MGAM: variants seen among roughly 807,000 people sequenced by gnomAD.
MGAM encodes the protein maltase-glucoamylase.
MGAM carries 253 observed loss-of-function variants against 358.8 expected under a neutral mutation model. That is an observed-to-expected ratio of 0.71 (90% confidence interval 0.64 to 0.78). MGAM has a LOEUF of 0.78. Among genes scored for constraint, MGAM ranks in the 30% least tolerant of loss-of-function variants. The probability of loss-of-function intolerance (pLI) is 0.00; values close to 1 mark genes in which losing one functional copy is unlikely to be tolerated. For synonymous variants in MGAM, 1,105 were observed against 1,227.1 expected (o/e 0.90, Z 2.08); for missense variants, 3,080 against 3,432.6 (o/e 0.90, Z 2.57).
At chr7:142,087,417 G>T (rs1438209279) in intron 57 of MGAM, among the ~76,000 whole-genome samples, 1 of 145,990 alleles carries the variant, frequency 6.8e-6, no homozygotes, top group Non-Finnish European at 1.6e-5. Flanking sequence ...GTCTAGGAAG[G>T]CTACGGCCCC....
At chr7:142,031,646 T>C (rs1225655124) in intron 12 of MGAM, 34 bp from the exon 13 acceptor site, 2 of 1,426,492 alleles carry the variant, frequency 1.4e-6, no homozygotes, top group Non-Finnish European at 2.0e-6. Context: ...TTGTTTAATT[T>C]ACTCTTACCA....
chr7:141,988,201 T>A (rs941428775), intron 2 of MGAM, among the ~76,000 whole-genome samples: 3 of 152,122 alleles, frequency 2.0e-5, no homozygotes, highest in African/African-American at 7.2e-5. Context: ...GGTGGAAGAA[T>A]TGGTTGAACC....
intron 64 of MGAM, 129 bp downstream of exon 64, chr7:142,095,842 T>C (rs1372981268): frequency 6.5e-6 from 9 of 1,387,860 alleles, no homozygotes; most frequent in Non-Finnish European, 7.9e-6. Context: ...CAGACCATAC[T>C]TTATTACTCT....
At chr7:142,040,410 T>G in intron 20 of MGAM, 1 of 584,116 alleles carries the variant, frequency 1.7e-6, no homozygotes, top group Non-Finnish European at 3.0e-6. Flanking sequence ...TGACATAGTA[T>G]CTCATAAATT....
intron 18 of MGAM, 33 bp from the exon 19 acceptor site, chr7:142,038,498 C>G (rs1278865118): frequency 2.3e-5 from 36 of 1,540,258 alleles, no homozygotes; most frequent in Non-Finnish European, 3.2e-5. Flanking sequence ...GGCAGTGGCT[C>G]AAATCTCAGT....
At chr7:142,044,586 TATATTATATACAC>T (rs1809756688) in intron 21 of MGAM, among the ~76,000 whole-genome samples, 1 of 128,170 alleles carries the variant, frequency 7.8e-6, no homozygotes, top group Non-Finnish European at 1.6e-5. Context: ...ATATATAATG[TATATTATATACAC>T]GTGTAATATA....
chr7:142,092,167 A>G lies in MGAM; in HGVS notation c.6945+120A>G, dbSNP rs1374744696. 4 of 1,316,756 alleles carry G rather than the reference A, an allele frequency of 3.0e-6. 1 individual carries two copies. In the East Asian group the frequency reaches 7.5e-5, roughly 25 times the overall value. 81.6% of individuals were successfully genotyped at this position (1,316,756 alleles called of 1,614,324 possible). A position where few individuals can be genotyped will look rare whatever the true frequency, so the allele number is the denominator to read the frequency against. On this transcript the variant is annotated intron_variant, in intron 58 of 70. Transcript: ENST00000475668. ...ATTGTCCAAGGAAGACTTTGGACAT[A>G]TCAGACACTTCCTCCTCTCAGGAGA...
chr7:142,013,675 G>T (rs187082092), intron 3 of MGAM, among the ~76,000 whole-genome samples: 15 of 152,134 alleles, frequency 9.9e-5, no homozygotes, highest in African/African-American at 3.6e-4. Flanking sequence ...ACAAAAATAT[G>T]TGAGAAAGTA....
At chr7:142,055,861 C>A in intron 28 of MGAM, 135 bp downstream of exon 28, 1 of 1,470,754 alleles carries the variant, frequency 6.8e-7, no homozygotes, top group Non-Finnish European at 9.2e-7. Context: ...TCTCAGGCTC[C>A]TTTGTTTCAT....
chr7:142,083,275 T>G, intron 52 of MGAM, 26 bp from the exon 53 acceptor site: 2 of 1,495,658 alleles, frequency 1.3e-6, no homozygotes, highest in Non-Finnish European at 1.8e-6. Flanking sequence ...GTTTCCAGCT[T>G]GATTAGCATT....
At chr7:142,080,467 A>G (rs1272456559) in intron 49 of MGAM, among the ~76,000 whole-genome samples, 1 of 146,288 alleles carries the variant, frequency 6.8e-6, no homozygotes, top group Non-Finnish European at 1.5e-5. Flanking sequence ...GTTTTAAGGT[A>G]TTTATATATT....
At position 142,063,548 on chromosome 7, in the gene MGAM, G is replaced by T. The variant is rs761452877; in HGVS notation, c.4307G>T (p.Cys1436Phe). 6.2e-7 allele frequency: 1 copy of T among 1,613,756 alleles called. No homozygotes were observed. The highest frequency in any genetic ancestry group is 1.1e-5 in the South Asian group (1 of 90,998). The change falls in exon 36 of 71, where the codon TGC becomes TTC. Residue 1436 changes from cysteine (C) to phenylalanine (F), a missense_variant. Physicochemically the swap from Cys to Phe is radical, Grantham distance 205. This residue lies in a region of MGAM where 1,816 missense variants were observed against 1,840.5 expected (regional missense o/e 0.99). Coordinates refer to ENST00000475668, the MANE Select transcript of MGAM (RefSeq NM_001365693.1). ...SFVNGAVSPG[C>F]RDASLNHPPY... ...GTGAATGGGGCAGTTTCTCCAGGCTGCAGGGACGCCTCTCTGAACCACCCT... is the reference window on the plus strand; with the variant it reads ...GTGAATGGGGCAGTTTCTCCAGGCTTCAGGGACGCCTCTCTGAACCACCCT...
rs555737225 is a variant in MGAM, at chr7:142,082,194, G to A, written c.6155G>A (p.Arg2052Gln). 80 of 1,554,526 alleles carry A rather than the reference G, an allele frequency of 5.1e-5. 5 individuals carry two copies. In the African/African-American group the frequency reaches 8.5e-4, roughly 16 times the overall value. Residue 2052 changes from arginine to glutamine, a missense_variant, in exon 51 of 71, where the codon CGA becomes CAA. Arg to Gln is a conservative substitution (Grantham distance 43, BLOSUM62 1). This residue lies in a region of MGAM where 932 missense variants were observed against 1,198.2 expected (regional missense o/e 0.78). Transcript: ENST00000475668. Reference protein sequence around the residue: ...LEWHTWGMFSRDQPPGYKKNS... With the variant: ...LEWHTWGMFSQDQPPGYKKNS... ...TGGCACACTTGGGGGATGTTCTCCC[G>A]AGACCAGCCCCCAGGGGTAAGGACA...
At chr7:141,996,924 TG>T (rs1804282248) in intron 1 of MGAM, among the ~76,000 whole-genome samples, 1 of 152,124 alleles carries the variant, frequency 6.6e-6, no homozygotes, top group Admixed American at 6.5e-5. Context: ...GGAGTGCTCG[TG>T]GGAAGAGGAG....
At chr7:142,042,026 T>TA (rs1491094720) in intron 21 of MGAM, among the ~76,000 whole-genome samples, 10 of 22,094 alleles carry the variant, frequency 4.5e-4, no homozygotes, top group African/African-American at 2.3e-3. Context: ...TATATATATA[T>TA]TATATTATAT....
intron 21 of MGAM, among the ~76,000 whole-genome samples, chr7:142,045,560 GA>G (rs1244368352): frequency 6.2e-5 from 1 of 16,226 alleles, no homozygotes; most frequent in South Asian, 7.8e-3. Context: ...TACAATATAT[GA>G]ATATATAATA....
intron 21 of MGAM, among the ~76,000 whole-genome samples, chr7:142,045,046 A>G (rs1809875852): frequency 9.8e-6 from 1 of 101,810 alleles, no homozygotes; most frequent in African/African-American, 3.5e-5. Flanking sequence ...GTAATATATG[A>G]TATATAATAT....
chr7:142,057,171 A>G (rs1294013392), intron 30 of MGAM, among the ~76,000 whole-genome samples: 1 of 152,094 alleles, frequency 6.6e-6, no homozygotes, highest in African/African-American at 2.4e-5. Flanking sequence ...TGGTGCTGGT[A>G]GTGATAGTAG....
chr7:142,081,994 G>A lies in MGAM; in HGVS notation c.6003-48G>A. The A allele has an allele frequency of 1.3e-6, 2 of 1,522,118 alleles. 1 individual carries two copies. The allele number at this position is 1,522,118 out of a possible 1,614,324, so 94.3% of individuals were successfully genotyped here. ...CTTGAAAAGTCAGCTGCTGGAAGCA[G>A]AGAGAAAAGCCCATTTTCTGTTTCA... On this transcript the variant is annotated intron_variant, in intron 50 of 70. Coordinates refer to ENST00000475668, the MANE Select transcript of MGAM (RefSeq NM_001365693.1).
Sources: allele counts gnomAD v4.1 joint callset (sites outside exome capture counted in the v4.1 genomes callset), GRCh38; gene constraint gnomAD v4.1.1; regional missense constraint gnomAD v4.1.1; transcripts MANE v1.5; gene names NCBI Gene and HGNC (gene_info 2026-07-23, HGNC 2026-07-21).